The following NRG2 variants were observed in gnomAD, a reference collection of about 807,000 sequenced individuals.
NRG2 encodes the protein pro-neuregulin-2, membrane-bound isoform.
NRG2 carries 27 observed loss-of-function variants against 73.9 expected under a neutral mutation model. The observed-to-expected ratio is 0.37, with a 90% CI of 0.27 to 0.50. The LOEUF (loss-of-function observed/expected upper bound fraction) is 0.50. Among genes scored for constraint, NRG2 ranks in the 20% least tolerant of loss-of-function variants. The pLI is 0.96. For synonymous variants in NRG2, 532 were observed against 541.0 expected, an observed-to-expected ratio of 0.98 and a Z score of 0.23; for missense variants, 1,126 against 1,210.1, an observed-to-expected ratio of 0.93 and a Z score of 1.03.
intron 1 of NRG2, among the ~76,000 whole-genome samples, chr5:139,999,768 A>T (rs1163657604): frequency 2.0e-5 from 3 of 152,196 alleles, no homozygotes; most frequent in Admixed American, 6.5e-5. Context: ...GAATGACAGG[A>T]GGGAAATTAT....
intron 1 of NRG2, chr5:140,019,535 C>G (rs1760057347): frequency 6.6e-6 from 1 of 152,210 alleles, no homozygotes; most frequent in African/African-American, 2.4e-5. Flanking sequence ...TGCATCACAA[C>G]CAGTTACAGA....
chr5:139,906,517 T>A (rs762311147), intron 1 of NRG2, among the ~76,000 whole-genome samples: 2 of 152,140 alleles, frequency 1.3e-5, no homozygotes, highest in Non-Finnish European at 2.9e-5. Context: ...ACTATACTAA[T>A]CTCTCTGCCC....
intron 1 of NRG2, among the ~76,000 whole-genome samples, chr5:139,937,593 GT>G (rs899531306): frequency 6.6e-6 from 1 of 152,164 alleles, no homozygotes; most frequent in Non-Finnish European, 1.5e-5. Flanking sequence ...TAGTAAGTGA[GT>G]TTAGCAAGGT....
At chr5:139,895,298 C>T (rs555389459) in intron 1 of NRG2, among the ~76,000 whole-genome samples, 6 of 152,224 alleles carry the variant, frequency 3.9e-5, no homozygotes, top group South Asian at 2.1e-4. Context: ...AGGTCCACGC[C>T]GCAGTGCTCC....
intron 1 of NRG2, among the ~76,000 whole-genome samples, chr5:139,927,194 T>TGTG (rs1487401594): frequency 6.6e-6 from 1 of 152,210 alleles, no homozygotes; most frequent in African/African-American, 2.4e-5. Flanking sequence ...AATACAAGGA[T>TGTG]GTGGTACCTG....
intron 3 of NRG2, among the ~76,000 whole-genome samples, chr5:139,875,002 G>A (rs529576888): frequency 1.3e-5 from 2 of 152,264 alleles, no homozygotes; most frequent in African/African-American, 2.4e-5. Context: ...ATGACTAAGT[G>A]TGCAACTGTT....
At chr5:139,918,385 T>C (rs1751421910) in intron 1 of NRG2, among the ~76,000 whole-genome samples, 1 of 152,174 alleles carries the variant, frequency 6.6e-6, no homozygotes, top group Non-Finnish European at 1.5e-5. Context: ...TAGTAGCTTT[T>C]AGCTTTTTTA....
intron 1 of NRG2, among the ~76,000 whole-genome samples, chr5:139,909,100 C>A (rs907164680): frequency 2.0e-5 from 3 of 152,190 alleles, no homozygotes; most frequent in Non-Finnish European, 4.4e-5. Context: ...AAAGACCCAC[C>A]CTATTTTCAC....
At chr5:139,916,038 A>T (rs1751227225) in intron 1 of NRG2, among the ~76,000 whole-genome samples, 1 of 152,150 alleles carries the variant, frequency 6.6e-6, no homozygotes, top group Non-Finnish European at 1.5e-5. Context: ...CCCAACCCAA[A>T]CTATACTCTT....
At chr5:139,859,782 C>T in intron 5 of NRG2, 9 of 1,211,300 alleles carry the variant, frequency 7.4e-6, no homozygotes, top group Admixed American at 2.0e-5. Flanking sequence ...GGAATCATCC[C>T]TTTTCCATTT....
In NRG2 at chr5:139,865,715, GA is replaced by G. The variant is rs1762432541; in HGVS notation, c.1113-91del. On this transcript the variant is annotated intron_variant, in intron 4 of 9. Coordinates refer to ENST00000361474, the MANE Select transcript of NRG2 (RefSeq NM_004883.3). This position sits in a 1 kb window ranked among gnomAD's most constrained non-coding sequence, Gnocchi z 5.2. ...AATCAAAGTGCACAGTGATGAATGA[GA>G]AAAACCAAGTCAGGCACTTGGGGTC... The G allele has an allele frequency of 1.8e-6, 2 of 1,088,220 alleles. No individual in the cohort carries two copies. Among genetic ancestry groups the G allele is most frequent in the Non-Finnish European group, 2.7e-6 (2 of 743,254 alleles). 67.4% of individuals were successfully genotyped at this position (1,088,220 alleles called of 1,614,324 possible).
In NRG2 at chr5:139,924,163, G is replaced by A. The variant is rs148027166; in HGVS notation, c.701-36652C>T. On this transcript the variant is annotated intron_variant, in intron 1 of 9. Coordinates refer to ENST00000361474, the MANE Select transcript of NRG2 (RefSeq NM_004883.3). The stretch of plus-strand genomic sequence containing the variant: ...CAATCCTGCAAGCTAGGCAATGGAG[G>A]AATCTTTGAGGGGCCCATGATCCTA... Among the ~76,000 whole-genome samples the A allele has an allele frequency of 3.6e-3, 550 of 152,316 alleles. 2 individuals carry two copies. The highest frequency in any genetic ancestry group is 6.2e-3 in the Non-Finnish European group (422 of 68,028).
chr5:140,030,826 C>CTG (rs1761083093), intron 1 of NRG2, among the ~76,000 whole-genome samples: 1 of 152,174 alleles, frequency 6.6e-6, no homozygotes, highest in African/African-American at 2.4e-5. Flanking sequence ...ATCACCTGGG[C>CTG]TGAGCTCTGG....
rs552409720 is a variant in NRG2 at position 140,017,787 on chromosome 5, T to C, written c.700+24583A>G. Among the ~76,000 whole-genome samples the C allele has an allele frequency of 7.2e-5, 11 of 152,090 alleles. No homozygotes were observed. The South Asian group carries it at 1.9e-3, about 26-fold the overall frequency. On this transcript the variant is annotated intron_variant, in intron 1 of 9. Coordinates refer to ENST00000361474, the MANE Select transcript of NRG2 (RefSeq NM_004883.3). ...AGAGAAGAGAAAGATAGGTAGTAAT[T>C]TAAGATGGGAGAGACGTGAGTATGA...
In NRG2 at chr5:139,920,302, G is replaced by A. The variant is rs148602527; in HGVS notation, c.701-32791C>T. Among the ~76,000 whole-genome samples, 633 of 152,310 alleles carry A rather than the reference G, an allele frequency of 4.2e-3. 13 individuals are homozygous for A. Among genetic ancestry groups the A allele is most frequent in the Admixed American group, 0.032 (484 of 15,294 alleles). ...AGAATTAAATGAGTTAAAAGTAAAA[G>A]TAAAGTTCTTAGAACAGAGATAAGT... is the stretch of plus-strand genomic sequence containing the variant. On this transcript the variant is annotated intron_variant, in intron 1 of 9. Coordinates refer to ENST00000361474, the MANE Select transcript of NRG2 (RefSeq NM_004883.3).
intron 1 of NRG2, among the ~76,000 whole-genome samples, chr5:139,909,630 A>C (rs1384786063): frequency 1.3e-5 from 2 of 152,172 alleles, no homozygotes; most frequent in African/African-American, 2.4e-5. Flanking sequence ...TTCTCATTTT[A>C]GTGCCTGAAA....
At chr5:140,039,829 G>A (rs1581004808) in intron 1 of NRG2, among the ~76,000 whole-genome samples, 1 of 152,156 alleles carries the variant, frequency 6.6e-6, no homozygotes, top group Admixed American at 6.5e-5. Context: ...CGGCCATGAC[G>A]ACAGTTTCCA....
At chr5:139,881,106 C>G in intron 2 of NRG2, 132 bp from the exon 3 acceptor site, 1 of 690,894 alleles carries the variant, frequency 1.4e-6, no homozygotes, top group Non-Finnish European at 2.5e-6. Flanking sequence ...AGGAGATTCC[C>G]TCCCCCCAGC....
At chr5:139,969,926 T>C (rs1192145205) in intron 1 of NRG2, among the ~76,000 whole-genome samples, 3 of 152,150 alleles carry the variant, frequency 2.0e-5, no homozygotes, top group African/African-American at 7.2e-5. Context: ...CTAAGAATAA[T>C]ATAAATAAAG....
Sources: gnomAD v4.1 joint callset for allele counts (sites outside exome capture counted in the v4.1 genomes callset) on GRCh38, gnomAD v4.1.1 for gene constraint, Gnocchi (gnomAD v3.1) non-coding constraint, MANE v1.5 for transcripts, NCBI Gene and HGNC (gene_info 2026-07-23, HGNC 2026-07-21) for gene names.